Variants in CDH18 observed in about 807,000 individuals in gnomAD.
CDH18 encodes cadherin 18, also known as cadherin-18.
In CDH18, 31 loss-of-function variants were observed where a neutral mutation model predicts 67.9. The observed-to-expected ratio is 0.46, with a 90% CI of 0.34 to 0.62. CDH18 has a LOEUF of 0.62. CDH18 is among the 20% of genes least tolerant of loss of function. CDH18 has a pLI of 0.01. For missense variants in CDH18, 890 were observed against 975.5 expected (o/e 0.91, Z 1.17); for synonymous variants, 362 against 347.2 (o/e 1.04, Z -0.48).
intron 3 of CDH18, among the ~76,000 whole-genome samples, chr5:19,836,059 AG>A (rs1781585717): frequency 6.6e-6 from 1 of 152,124 alleles, no homozygotes; most frequent in Non-Finnish European, 1.5e-5. Context: ...CTGAAAAACA[AG>A]TTGTCTGAAT....
chr5:19,509,757 T>A (rs1744829597), intron 10 of CDH18, among the ~76,000 whole-genome samples: 1 of 152,184 alleles, frequency 6.6e-6, no homozygotes, highest in Non-Finnish European at 1.5e-5. Flanking sequence ...GAATAGACTC[T>A]CTTTATTTTT....
intron 2 of CDH18, among the ~76,000 whole-genome samples, chr5:19,973,977 G>T (rs1047330890): frequency 2.6e-5 from 4 of 152,226 alleles, no homozygotes; most frequent in East Asian, 1.9e-4. Context: ...AATGATTCGA[G>T]AAGGGTATTT....
At chr5:19,516,789 CA>C (rs59380974) in intron 10 of CDH18, among the ~76,000 whole-genome samples, 1 of 151,050 alleles carries the variant, frequency 6.6e-6, no homozygotes, top group South Asian at 2.1e-4. Flanking sequence ...TTGATCTTTT[CA>C]AAAAAAACAA....
intron 1 of CDH18, among the ~76,000 whole-genome samples, chr5:20,424,765 A>T (rs1432357970): frequency 2.7e-5 from 4 of 148,428 alleles, no homozygotes; most frequent in Admixed American, 6.6e-5. Flanking sequence ...AAAAAAAAAA[A>T]AAAAAAAGGA....
intron 6 of CDH18, among the ~76,000 whole-genome samples, chr5:19,603,799 T>G (rs1747569161): frequency 6.7e-6 from 1 of 149,274 alleles, no homozygotes. Context: ...TTGTTTATAG[T>G]ATCAATAAAA....
chr5:20,022,669 T>G (rs1738532391), intron 2 of CDH18, among the ~76,000 whole-genome samples: 1 of 152,158 alleles, frequency 6.6e-6, no homozygotes, highest in African/African-American at 2.4e-5. Flanking sequence ...GATCTTGAAG[T>G]AAAGGGTTAA....
rs150722207 is a variant in CDH18, at chr5:19,944,834, T to C, written c.-257+36226A>G. Among the ~76,000 whole-genome samples, 26 of 152,080 alleles carry C rather than the reference T, an allele frequency of 1.7e-4. No homozygotes were observed. The East Asian group carries it at 5.0e-3, about 30-fold the overall frequency. ...GGATTCCAAAAGCTGGAAAGACAAA[T>C]AGTACCAGGCTGGGGACTTCAAGAT... On this transcript the variant is annotated intron_variant, in intron 2 of 12. Transcript: ENST00000382275.
At chr5:20,114,113 G>A (rs1747700370) in intron 2 of CDH18, among the ~76,000 whole-genome samples, 1 of 152,102 alleles carries the variant, frequency 6.6e-6, no homozygotes. Context: ...CCTCACTCAA[G>A]GTTACCCAGA....
intron 1 of CDH18, among the ~76,000 whole-genome samples, chr5:20,432,252 C>T (rs1250992013): frequency 1.3e-5 from 2 of 152,220 alleles, no homozygotes; most frequent in East Asian, 3.9e-4. Flanking sequence ...CACTTAATTT[C>T]CCCAAAATAC....
At chr5:20,201,311 A>T (rs1221438793) in intron 2 of CDH18, among the ~76,000 whole-genome samples, 1 of 152,084 alleles carries the variant, frequency 6.6e-6, no homozygotes, top group Non-Finnish European at 1.5e-5. Flanking sequence ...CATTCTGATA[A>T]AGTCACCTTA....
chr5:19,473,564 G>A lies in CDH18; in HGVS notation c.2035C>T (p.Pro679Ser). 1 of 1,613,854 alleles carries A rather than the reference G, an allele frequency of 6.2e-7. No individual in the cohort carries two copies. Residue 679 changes from proline (P) to serine (S), a missense_variant, in exon 13 of 13, where the codon CCT becomes TCT. This residue lies in a region of CDH18 where 656 missense variants were observed against 668.1 expected (regional missense o/e 0.98). Coordinates refer to ENST00000382275, the MANE Select transcript of CDH18 (RefSeq NM_004934.5). ...EAFDITALRN[P>S]SAAEELKYRR... is the part of the protein sequence containing the mutation. ...TACTTGAGCTCCTCAGCAGCAGAAG[G>A]ATTCCTCAAGGCTGTGATGTCAAAG...
intron 3 of CDH18, among the ~76,000 whole-genome samples, chr5:19,837,951 T>G (rs2150021794): frequency 6.6e-6 from 1 of 152,224 alleles, no homozygotes; most frequent in East Asian, 1.9e-4. Flanking sequence ...AATTCCCACT[T>G]CGTTCTCAAT....
At chr5:20,439,404 T>C (rs1387388706) in intron 1 of CDH18, among the ~76,000 whole-genome samples, 1 of 151,548 alleles carries the variant, frequency 6.6e-6, no homozygotes, top group Non-Finnish European at 1.5e-5. Flanking sequence ...ATGAGAGTTT[T>C]CAGACTTGAA....
At chr5:19,753,714 A>C (rs1372385321) in intron 3 of CDH18, among the ~76,000 whole-genome samples, 1 of 152,198 alleles carries the variant, frequency 6.6e-6, no homozygotes, top group Non-Finnish European at 1.5e-5. Flanking sequence ...AAGAATCTTA[A>C]GTGCTGTGAG....
chr5:20,338,928 G>A (rs1019386459), intron 1 of CDH18, among the ~76,000 whole-genome samples: 1 of 152,114 alleles, frequency 6.6e-6, no homozygotes. Context: ...CTTAAAACAA[G>A]GTAAGTGTGA....
intron 3 of CDH18, among the ~76,000 whole-genome samples, chr5:19,779,273 GT>G (rs1774806408): frequency 6.6e-6 from 1 of 152,084 alleles, no homozygotes. Context: ...CTGAATATAA[GT>G]TGAATAATGT....
At chr5:20,104,925 C>T (rs569427056) in intron 2 of CDH18, among the ~76,000 whole-genome samples, 1 of 152,158 alleles carries the variant, frequency 6.6e-6, no homozygotes, top group East Asian at 1.9e-4. Flanking sequence ...AGGATTTATC[C>T]CCATCTCACA....
chr5:19,848,675 G>C (rs2150064187), intron 2 of CDH18, among the ~76,000 whole-genome samples: 1 of 151,996 alleles, frequency 6.6e-6, no homozygotes, highest in East Asian at 1.9e-4. Flanking sequence ...TGAGGAGAAT[G>C]CAATATAGGG....
intron 3 of CDH18, among the ~76,000 whole-genome samples, chr5:19,776,025 C>G (rs185827456): frequency 1.1e-3 from 163 of 151,916 alleles, no homozygotes; most frequent in African/African-American, 3.8e-3. Context: ...GAAAATTATA[C>G]TGTACACAAA....
Sources: allele counts gnomAD v4.1 joint callset (sites outside exome capture counted in the v4.1 genomes callset), GRCh38; gene constraint gnomAD v4.1.1; regional missense constraint gnomAD v4.1.1; transcripts MANE v1.5; gene names NCBI Gene and HGNC (gene_info 2026-07-23, HGNC 2026-07-21).